The following LRP6 variants were observed in gnomAD, a reference collection of about 807,000 sequenced individuals.
LRP6 encodes low-density lipoprotein receptor-related protein 6.
LRP6 carries 43 observed loss-of-function variants against 184.1 expected under a neutral mutation model. The observed-to-expected ratio is 0.23, with a 90% CI of 0.18 to 0.30. LRP6 has a LOEUF of 0.30. Among genes scored for constraint, LRP6 ranks in the 10% least tolerant of loss-of-function variants. The probability of loss-of-function intolerance (pLI) is 1.00; values close to 1 mark genes in which losing one functional copy is unlikely to be tolerated. For synonymous variants in LRP6, 719 were observed against 684.9 expected (o/e 1.05, Z -0.78); for missense variants, 1,571 against 2,005.3 (o/e 0.78, Z 4.14).
intron 5 of LRP6, 36 bp downstream of exon 5, chr12:12,183,944 T>C (rs1395536763): frequency 1.9e-6 from 3 of 1,592,042 alleles, no homozygotes; most frequent in Non-Finnish European, 2.6e-6. Context: ...ATTCCAATAG[T>C]TATAAAATTT....
chr12:12,124,838 C>T (rs965268698), intron 21 of LRP6, among the ~76,000 whole-genome samples, 176 bp from the exon 22 acceptor site: 2 of 152,128 alleles, frequency 1.3e-5, no homozygotes, highest in African/African-American at 4.8e-5. Flanking sequence ...CTTCCTCATT[C>T]CCTAAGACCT....
chr12:12,124,983 G>C (rs1429493908), intron 21 of LRP6, among the ~76,000 whole-genome samples: 1 of 152,154 alleles, frequency 6.6e-6, no homozygotes, highest in Non-Finnish European at 1.5e-5. Flanking sequence ...AGAAATTCCA[G>C]GTGTGCTTCC....
chr12:12,251,085 C>T (rs1865313289), intron 1 of LRP6, among the ~76,000 whole-genome samples: 1 of 152,010 alleles, frequency 6.6e-6, no homozygotes, highest in South Asian at 2.1e-4. Context: ...CGCTCGCCAC[C>T]ACACCCAGCT....
rs767934186 is a variant in LRP6, at chr12:12,121,094, G to A, written c.*32C>T. 2.8e-5 allele frequency: 44 copies of A among 1,550,372 alleles called. No homozygotes were observed. Among genetic ancestry groups the A allele is most frequent in the South Asian group, 1.2e-4 (10 of 81,440 alleles). On this transcript the variant is annotated 3_prime_UTR_variant, in exon 23 of 23. Transcript: ENST00000261349. ...ACCAAATTTATATTTACATTTTTAC[G>A]TTGGAGGCAGTCAGAGGAGGAGGGC... is the stretch of plus-strand genomic sequence containing the variant.
intron 4 of LRP6, among the ~76,000 whole-genome samples, chr12:12,186,109 A>G (rs1178812726): frequency 2.6e-5 from 4 of 151,892 alleles, no homozygotes; most frequent in Non-Finnish European, 5.9e-5. Flanking sequence ...TGGCCTCCCA[A>G]AGTGTGGGAT....
Position 12,125,371 on chromosome 12 carries a change from G to C in LRP6, c.4374C>G (p.Pro1458=). The part of the protein sequence containing the change: ...SLSIMGGSSG[P]PYDRAHVTGA... The stretch of plus-strand genomic sequence containing the variant: ...CTGTAACATGGGCTCGGTCATAGGG[G>C]GGTCCACTGCTTCCCCCCATGATAC... The change falls in exon 21 of 23, where the codon CCC becomes CCG. Residue 1458 remains proline, a synonymous_variant. Transcript: ENST00000261349. 1 of 1,613,986 alleles carries C rather than the reference G, an allele frequency of 6.2e-7. No individual in the cohort carries two copies. The highest frequency in any genetic ancestry group is 1.1e-5 in the South Asian group (1 of 91,070).
intron 11 of LRP6, 28 bp from the exon 12 acceptor site, chr12:12,159,183 G>C (rs1299451566): frequency 1.9e-6 from 3 of 1,543,536 alleles, no homozygotes. Flanking sequence ...GTAGACAGGG[G>C]AGAAGCAGAG....
intron 2 of LRP6, among the ~76,000 whole-genome samples, chr12:12,227,075 A>G (rs1221084222): frequency 6.6e-6 from 1 of 152,208 alleles, no homozygotes. Context: ...GAAGAGCAGG[A>G]TTACATCCAA....
chr12:12,258,839 A>G (rs1865538943), intron 1 of LRP6, among the ~76,000 whole-genome samples: 1 of 152,222 alleles, frequency 6.6e-6, no homozygotes, highest in Admixed American at 6.5e-5. Context: ...GCAGTCCTTT[A>G]CTTGTAGTTT....
intron 10 of LRP6, 134 bp downstream of exon 10, chr12:12,162,059 A>T: frequency 4.2e-6 from 3 of 713,532 alleles, no homozygotes; most frequent in Non-Finnish European, 7.2e-6. Context: ...GTGTTTTTAA[A>T]AGTTCATCTA....
intron 12 of LRP6, among the ~76,000 whole-genome samples, chr12:12,157,098 C>T (rs879052587): frequency 6.6e-6 from 1 of 152,230 alleles, no homozygotes; most frequent in East Asian, 1.9e-4. Flanking sequence ...GGCTCTTGAA[C>T]TATACCTTCT....
intron 12 of LRP6, among the ~76,000 whole-genome samples, chr12:12,158,018 C>A (rs1233566172): frequency 6.6e-6 from 1 of 152,200 alleles, no homozygotes; most frequent in South Asian, 2.1e-4. Context: ...ATGAAAAGAT[C>A]TGGTAACATC....
chr12:12,258,030 G>A (rs12425946), intron 1 of LRP6, among the ~76,000 whole-genome samples: 28,928 of 151,238 alleles, frequency 0.19, 3,344 homozygotes, highest in African/African-American at 0.32. Context: ...CAGAAAACAC[G>A]TTACATAGTC....
At chr12:12,183,014 T>C (rs1281713368) in intron 5 of LRP6, among the ~76,000 whole-genome samples, 1 of 152,238 alleles carries the variant, frequency 6.6e-6, no homozygotes, top group Admixed American at 6.5e-5. Context: ...CCTTTTGTTT[T>C]AAATTGAAAC....
chr12:12,119,384 C>T lies in LRP6; in HGVS notation c.*1742G>A, dbSNP rs1949562878. 6.6e-6 allele frequency: 1 copy of T among 151,908 alleles called. No homozygotes were observed. Among genetic ancestry groups the T allele is most frequent in the Non-Finnish European group, 1.5e-5 (1 of 67,982 alleles). 9.4% of individuals were successfully genotyped at this position (151,908 alleles called of 1,614,324 possible). Reference sequence around the variant, plus strand: ...AAAAAAAATTCAATAATTAACTGACCAACACCTCTTAAGCTAAAAATACAT... The same window carrying T: ...AAAAAAAATTCAATAATTAACTGACTAACACCTCTTAAGCTAAAAATACAT... On this transcript the variant is annotated 3_prime_UTR_variant, in exon 23 of 23. Transcript: ENST00000261349.
At chr12:12,197,013 G>A (rs1863780127) in intron 3 of LRP6, among the ~76,000 whole-genome samples, 1 of 152,002 alleles carries the variant, frequency 6.6e-6, no homozygotes, top group South Asian at 2.1e-4. Context: ...GTTAGCCAGA[G>A]GTACACTCAC....
chr12:12,138,652 A>C, intron 15 of LRP6, 118 bp from the exon 16 acceptor site: 1 of 1,290,682 alleles, frequency 7.7e-7, no homozygotes, highest in Non-Finnish European at 1.1e-6. Context: ...AAAAAACAAG[A>C]TCTCTACCAC....
intron 3 of LRP6, among the ~76,000 whole-genome samples, chr12:12,189,571 G>C (rs951456457): frequency 6.6e-6 from 1 of 151,864 alleles, no homozygotes; most frequent in Non-Finnish European, 1.5e-5. Context: ...GTGTGATCCT[G>C]GCTCACTGCA....
chr12:12,242,548 T>C (rs1194510249), intron 2 of LRP6, among the ~76,000 whole-genome samples: 1 of 152,332 alleles, frequency 6.6e-6, no homozygotes, highest in East Asian at 1.9e-4. Flanking sequence ...CAACACCCTC[T>C]GAGCCTTACA....
Sources: gnomAD v4.1 joint callset for allele counts (sites outside exome capture counted in the v4.1 genomes callset) on GRCh38, gnomAD v4.1.1 for gene constraint, MANE v1.5 for transcripts, NCBI Gene and HGNC (gene_info 2026-07-23, HGNC 2026-07-21) for gene names.